Variants in GRIN2B observed in about 807,000 individuals in gnomAD.
The protein encoded by GRIN2B is glutamate ionotropic receptor NMDA type subunit 2B.
GRIN2B carries 5 observed loss-of-function variants against 114.5 expected under a neutral mutation model. The observed-to-expected ratio is 0.04, with a 90% CI of 0.02 to 0.09. The LOEUF is 0.09. Among genes scored for constraint, GRIN2B ranks in the 10% least tolerant of loss-of-function variants. The probability of loss-of-function intolerance (pLI) is 1.00; values close to 1 mark genes in which losing one functional copy is unlikely to be tolerated. For synonymous variants in GRIN2B, 787 were observed against 745.1 expected (o/e 1.06, Z -0.92); for missense variants, 1,108 against 1,943.5 (o/e 0.57, Z 8.08).
At chr12:13,638,321 C>A (rs1949683757) in intron 5 of GRIN2B, among the ~76,000 whole-genome samples, 1 of 152,046 alleles carries the variant, frequency 6.6e-6, no homozygotes. Context: ...AAATAACAAT[C>A]ATATAATTAA....
Position 13,727,008 on chromosome 12 carries a change from G to A in GRIN2B, c.1010+26309C>T, listed in dbSNP as rs148450524. Among the ~76,000 whole-genome samples, 1,074 of 152,128 alleles carry A rather than the reference G, an allele frequency of 7.1e-3. 13 individuals carry two copies. The highest frequency in any genetic ancestry group is 0.024 in the African/African-American group (978 of 41,510). On this transcript the variant is annotated intron_variant, in intron 4 of 13. Transcript: ENST00000609686. ...TTATTATCTCCATTTTTTCAGATGA[G>A]GAAACTGAGGCTCAACAAGATTAAA...
intron 3 of GRIN2B, among the ~76,000 whole-genome samples, chr12:13,859,044 A>G (rs937494580): frequency 6.6e-6 from 1 of 152,216 alleles, no homozygotes; most frequent in East Asian, 1.9e-4. Context: ...CTAAGCACCA[A>G]CTGTCTACCA....
chr12:13,714,734 A>G (rs2300255), intron 4 of GRIN2B, among the ~76,000 whole-genome samples: 9,208 of 151,868 alleles, frequency 0.061, 393 homozygotes, highest in East Asian at 0.17. Context: ...AAATCACCTA[A>G]TTTTTTTATT....
chr12:13,812,039 A>C (rs966365852), intron 3 of GRIN2B, among the ~76,000 whole-genome samples: 2 of 152,206 alleles, frequency 1.3e-5, no homozygotes, highest in African/African-American at 4.8e-5. Flanking sequence ...ACTCGTGGCC[A>C]ATCTTTCATA....
intron 10 of GRIN2B, among the ~76,000 whole-genome samples, chr12:13,584,288 T>G (rs1435011769): frequency 6.6e-6 from 1 of 152,200 alleles, no homozygotes; most frequent in Non-Finnish European, 1.5e-5. Context: ...CCAGACTTAA[T>G]TGCCTTTTTA....
At chr12:13,878,632 G>A (rs1401288517) in intron 2 of GRIN2B, among the ~76,000 whole-genome samples, 2 of 152,172 alleles carry the variant, frequency 1.3e-5, no homozygotes, top group African/African-American at 2.4e-5. Context: ...AGTGGCGAAA[G>A]CAAGACCTGA....
chr12:13,856,924 C>T (rs1419407179), intron 3 of GRIN2B, among the ~76,000 whole-genome samples: 1 of 152,200 alleles, frequency 6.6e-6, no homozygotes, highest in Non-Finnish European at 1.5e-5. Context: ...CTATATGACC[C>T]ACCCATGTTC....
At chr12:13,588,250 G>A (rs765960974) in intron 10 of GRIN2B, among the ~76,000 whole-genome samples, 45 of 152,296 alleles carry the variant, frequency 3.0e-4, no homozygotes, top group Non-Finnish European at 5.1e-4. Flanking sequence ...CTAACCTACA[G>A]CAAAGAATGC....
chr12:13,582,719 G>T (rs189352452), intron 10 of GRIN2B, among the ~76,000 whole-genome samples: 33 of 150,918 alleles, frequency 2.2e-4, no homozygotes, highest in Middle Eastern at 6.8e-3. Flanking sequence ...TGGAGCTGGG[G>T]TTCTATAATA....
chr12:13,687,184 C>T (rs1327489861), intron 4 of GRIN2B, among the ~76,000 whole-genome samples: 1 of 152,100 alleles, frequency 6.6e-6, no homozygotes, highest in Non-Finnish European at 1.5e-5. Flanking sequence ...TTCTTTATAG[C>T]AACACAAAAT....
rs142872159 is a variant in GRIN2B at position 13,848,240 on chromosome 12, T to G, written c.411+17558A>C. Among the ~76,000 whole-genome samples the G allele has an allele frequency of 5.1e-3, 782 of 152,294 alleles. 3 individuals carry two copies. The highest frequency in any genetic ancestry group is 0.013 in the South Asian group (65 of 4,830). On this transcript the variant is annotated intron_variant, in intron 3 of 13. Transcript: ENST00000609686. The stretch of plus-strand genomic sequence containing the variant: ...TTCCACTATTACAAACTTCTTTCAC[T>G]AAGTTAGAATACAAATGCCCCTAGG...
chr12:13,806,582 G>A (rs1275014515), intron 3 of GRIN2B, among the ~76,000 whole-genome samples: 1 of 151,966 alleles, frequency 6.6e-6, no homozygotes, highest in Admixed American at 6.6e-5. Context: ...TAGTTTTCTT[G>A]CTATTGAGTT....
Position 13,736,232 on chromosome 12 carries a change from T to G in GRIN2B, c.1010+17085A>C, listed in dbSNP as rs1863182137. ...CTCCTCCAGGACAGCATATGGCATT[T>G]CTAGGTCACCCTTAAAGTATGGCAG... On this transcript the variant is annotated intron_variant, in intron 4 of 13. Coordinates refer to ENST00000609686, the MANE Select transcript of GRIN2B (RefSeq NM_000834.5). 2.0e-5 allele frequency among the ~76,000 whole-genome samples: 3 copies of G among 151,516 alleles called. No individual in the cohort carries two copies. In the South Asian group the frequency reaches 6.3e-4, roughly 32 times the overall value.
intron 4 of GRIN2B, among the ~76,000 whole-genome samples, chr12:13,695,874 G>C (rs1950255135): frequency 6.6e-6 from 1 of 152,122 alleles, no homozygotes; most frequent in South Asian, 2.1e-4. Flanking sequence ...AATGATGATT[G>C]CATGCTGGAG....
At chr12:13,795,569 G>C (rs139467646) in intron 3 of GRIN2B, among the ~76,000 whole-genome samples, 15 of 152,264 alleles carry the variant, frequency 9.9e-5, no homozygotes, top group South Asian at 4.2e-4. Context: ...TTGACCCAGC[G>C]ATCCCATTAC....
chr12:13,745,426 C>T (rs181141624), intron 4 of GRIN2B, among the ~76,000 whole-genome samples: 30 of 152,292 alleles, frequency 2.0e-4, no homozygotes, highest in Middle Eastern at 3.4e-3. Context: ...GCCTTGGGGA[C>T]GCTGGCAGGC....
chr12:13,937,096 AGG>A (rs761130234), intron 2 of GRIN2B, among the ~76,000 whole-genome samples: 59,492 of 128,782 alleles, frequency 0.46, 12,889 homozygotes, highest in East Asian at 0.67. Flanking sequence ...AAAAAAAAAA[AGG>A]GGGGGGGGAA....
rs957517732 is a variant in GRIN2B, at chr12:13,552,946, T to C, written c.*9837A>G. On this transcript the variant is annotated 3_prime_UTR_variant, in exon 14 of 14. Transcript: ENST00000609686. ...TGTCACTGCCTGTAACTTATTTGAG[T>C]TCAGTTCTCTATAGTATGCTTTAAA... 2.0e-5 allele frequency: 3 copies of C among 152,080 alleles called. No homozygotes were observed. The highest frequency in any genetic ancestry group is 7.2e-5 in the African/African-American group (3 of 41,404). 9.4% of individuals were successfully genotyped at this position (152,080 alleles called of 1,614,324 possible).
intron 10 of GRIN2B, among the ~76,000 whole-genome samples, chr12:13,607,248 A>T (rs1210037862): frequency 2.3e-5 from 2 of 86,140 alleles, no homozygotes; most frequent in African/African-American, 5.4e-5. Flanking sequence ...TTATATAAAA[A>T]ATATATATTA....
Sources: allele counts gnomAD v4.1 joint callset (sites outside exome capture counted in the v4.1 genomes callset), GRCh38; gene constraint gnomAD v4.1.1; transcripts MANE v1.5; gene names NCBI Gene and HGNC (gene_info 2026-07-23, HGNC 2026-07-21).